Variants in CFAP20DC observed in about 807,000 individuals in gnomAD.
The protein encoded by CFAP20DC is protein CFAP20DC.
A neutral mutation model predicts 101.7 loss-of-function variants in CFAP20DC; 84 were observed. That is an observed-to-expected ratio of 0.83 (90% confidence interval 0.69 to 0.99). CFAP20DC has a LOEUF of 0.99. CFAP20DC is among the 50% of genes least tolerant of loss of function. The pLI is 0.00. For missense variants in CFAP20DC, 1,007 were observed against 970.3 expected (o/e 1.04, Z -0.50); for synonymous variants, 359 against 351.2 (o/e 1.02, Z -0.25).
chr3:59,009,744 A>G (rs1406531182), intron 4 of CFAP20DC, among the ~76,000 whole-genome samples: 1 of 152,204 alleles, frequency 6.6e-6, no homozygotes. Context: ...TTCATAGCAC[A>G]AAGATCATCA....
intron 4 of CFAP20DC, among the ~76,000 whole-genome samples, chr3:59,028,241 G>A (rs2093927269): frequency 6.6e-6 from 1 of 152,176 alleles, no homozygotes; most frequent in African/African-American, 2.4e-5. Context: ...AATCAATAAA[G>A]AAGAGTTAAA....
At chr3:58,735,425 A>G (rs2067730080) in intron 3 of CFAP20DC, among the ~76,000 whole-genome samples, 1 of 152,226 alleles carries the variant, frequency 6.6e-6, no homozygotes, top group Non-Finnish European at 1.5e-5. Context: ...CCACAAATGA[A>G]ATCCATCAAG....
At chr3:58,811,214 C>T (rs2074598905) in intron 14 of CFAP20DC, among the ~76,000 whole-genome samples, 1 of 152,046 alleles carries the variant, frequency 6.6e-6, no homozygotes, top group African/African-American at 2.4e-5. Flanking sequence ...CTTTAAAGTT[C>T]ATACGGAACC....
intron 4 of CFAP20DC, among the ~76,000 whole-genome samples, chr3:58,942,051 A>G (rs2088683848): frequency 6.6e-6 from 1 of 152,112 alleles, no homozygotes; most frequent in Non-Finnish European, 1.5e-5. Flanking sequence ...CTACTTTTTT[A>G]GACATTCTTT....
intron 14 of CFAP20DC, among the ~76,000 whole-genome samples, chr3:58,811,999 A>T (rs556505099): frequency 9.3e-4 from 141 of 152,270 alleles, no homozygotes; most frequent in African/African-American, 3.1e-3. Flanking sequence ...TCAAAACCAC[A>T]ATGAGATACC....
chr3:58,780,824 T>C (rs1378285158), intron 15 of CFAP20DC, among the ~76,000 whole-genome samples: 1 of 151,912 alleles, frequency 6.6e-6, no homozygotes, highest in Non-Finnish European at 1.5e-5. Context: ...TAGACTCCAA[T>C]ATAATAATAG....
At chr3:58,719,738 C>T (rs1334246662) in intron 3 of CFAP20DC, among the ~76,000 whole-genome samples, 3 of 152,214 alleles carry the variant, frequency 2.0e-5, no homozygotes, top group Non-Finnish European at 4.4e-5. Context: ...AGAGCCAGCT[C>T]AGGCTTCCCT....
At chr3:58,720,644 T>A (rs1350480604) in intron 3 of CFAP20DC, among the ~76,000 whole-genome samples, 2 of 152,218 alleles carry the variant, frequency 1.3e-5, no homozygotes, top group African/African-American at 2.4e-5. Context: ...ACAATCTTCT[T>A]GGAGGCATTC....
At chr3:58,752,274 C>A (rs1388843740) in intron 16 of CFAP20DC, among the ~76,000 whole-genome samples, 2 of 152,044 alleles carry the variant, frequency 1.3e-5, no homozygotes, top group African/African-American at 4.8e-5. Flanking sequence ...CTACAAACCA[C>A]CCAAGCATAT....
At chr3:58,832,560 T>G (rs1216929444) in intron 13 of CFAP20DC, among the ~76,000 whole-genome samples, 1 of 152,166 alleles carries the variant, frequency 6.6e-6, no homozygotes, top group Non-Finnish European at 1.5e-5. Flanking sequence ...ATATTCAACT[T>G]GCAGTAAGAT....
intron 15 of CFAP20DC, among the ~76,000 whole-genome samples, chr3:58,779,804 A>G (rs1209521367): frequency 6.6e-6 from 1 of 152,204 alleles, no homozygotes; most frequent in African/African-American, 2.4e-5. Flanking sequence ...GCAAATTGAT[A>G]ATGGAAAAAT....
intron 15 of CFAP20DC, among the ~76,000 whole-genome samples, chr3:58,762,363 C>T (rs541960430): frequency 8.6e-4 from 130 of 152,020 alleles, no homozygotes; most frequent in South Asian, 2.5e-3. Flanking sequence ...TTGCAACCCC[C>T]GCATTTTTTT....
intron 4 of CFAP20DC, among the ~76,000 whole-genome samples, chr3:59,029,846 C>T (rs78063847): frequency 0.012 from 1,804 of 152,144 alleles, 34 homozygotes; most frequent in African/African-American, 0.04. Context: ...TATACAAATT[C>T]GAGGTATATC....
At position 58,849,043 on chromosome 3, in the gene CFAP20DC, G is replaced by A. The variant is rs114373328; in HGVS notation, c.1960C>T (p.Pro654Ser). 2,635 of 1,535,416 alleles carry A rather than the reference G, an allele frequency of 1.7e-3. 51 individuals are homozygous for A. In the African/African-American group the frequency reaches 0.031, roughly 18 times the overall value. ...CGGGAACCACTTACAGATGCTTCGG[G>A]GATCGAGCTCAGCCTTTCCCCTGAG... Reference protein sequence around the residue: ...EISGERLSSIPEASEYDWRNY... With the variant: ...EISGERLSSISEASEYDWRNY... Residue 654 changes from proline to serine, a missense_variant, in exon 13 of 17, where the codon CCC (proline) becomes TCC (serine). By Grantham distance (74) the Pro-to-Ser change is moderately conservative (BLOSUM62 -1). Coordinates refer to ENST00000482387, the MANE Select transcript of CFAP20DC (RefSeq NM_001394063.1).
intron 14 of CFAP20DC, among the ~76,000 whole-genome samples, chr3:58,816,550 G>C (rs2075167424): frequency 6.6e-6 from 1 of 152,160 alleles, no homozygotes; most frequent in Non-Finnish European, 1.5e-5. Flanking sequence ...GGAAAATCGG[G>C]TGACTCCCAC....
rs188094089 is a variant in CFAP20DC at position 58,894,684 on chromosome 3, T to C, written c.551-9975A>G. 6.6e-6 allele frequency among the ~76,000 whole-genome samples: 1 copy of C among 152,312 alleles called. No individual in the cohort carries two copies. Among genetic ancestry groups the C allele is most frequent in the East Asian group, 1.9e-4 (1 of 5,170 alleles). On this transcript the variant is annotated intron_variant, in intron 6 of 16. Coordinates refer to ENST00000482387, the MANE Select transcript of CFAP20DC (RefSeq NM_001394063.1). This position sits in a 1 kb window ranked among gnomAD's most constrained non-coding sequence, Gnocchi z 4.1. Reference sequence around the variant, plus strand: ...CGGGGTTTGGAGGATGGTGGCCCTCTTCTTACAGCTCCACTAGATGGTGCC... The same window carrying C: ...CGGGGTTTGGAGGATGGTGGCCCTCCTCTTACAGCTCCACTAGATGGTGCC...
chr3:58,891,305 T>G (rs1434653701), intron 6 of CFAP20DC, among the ~76,000 whole-genome samples: 4 of 146,654 alleles, frequency 2.7e-5, no homozygotes, highest in Admixed American at 6.8e-5. Context: ...TGGCAGGCAC[T>G]CTGCAGGCTG....
At chr3:58,889,587 G>A (rs530785753) in intron 6 of CFAP20DC, among the ~76,000 whole-genome samples, 2,365 of 145,198 alleles carry the variant, frequency 0.016, 34 homozygotes, top group Non-Finnish European at 0.022. Flanking sequence ...TAATTCTTGG[G>A]TGTTTCTCAC....
At chr3:59,033,500 A>T (rs2094035789) in intron 4 of CFAP20DC, among the ~76,000 whole-genome samples, 2 of 152,152 alleles carry the variant, frequency 1.3e-5, no homozygotes, top group Admixed American at 1.3e-4. Context: ...TTAGAGAAGA[A>T]CATAAATGAC....
Sources: allele counts gnomAD v4.1 joint callset (sites outside exome capture counted in the v4.1 genomes callset), GRCh38; gene constraint gnomAD v4.1.1; non-coding constraint Gnocchi (gnomAD v3.1); transcripts MANE v1.5; gene names NCBI Gene and HGNC (gene_info 2026-07-23, HGNC 2026-07-21).